FYB1: variants seen among roughly 807,000 people sequenced by gnomAD.
FYB1 encodes the protein FYN binding protein 1, also known as FYN-binding protein 1.
FYB1 carries 41 observed loss-of-function variants against 94.1 expected under a neutral mutation model. The observed-to-expected ratio is 0.44, with a 90% CI of 0.34 to 0.57. The LOEUF is 0.57. Among genes scored for constraint, FYB1 ranks in the 20% least tolerant of loss-of-function variants. The probability of loss-of-function intolerance (pLI) is 0.02; values close to 1 mark genes in which losing one functional copy is unlikely to be tolerated. For synonymous variants in FYB1, 367 were observed against 353.2 expected (o/e 1.04, Z -0.44); for missense variants, 1,050 against 976.8 (o/e 1.07, Z -1.00).
intron 1 of FYB1, among the ~76,000 whole-genome samples, chr5:39,266,417 T>C (rs1337948784): frequency 6.6e-6 from 1 of 152,230 alleles, no homozygotes; most frequent in Non-Finnish European, 1.5e-5. Flanking sequence ...CCCAGTGTCG[T>C]GTGTCCAATG....
Position 39,130,583 on chromosome 5 carries a change from G to A in FYB1, c.1840+7C>T. 1 of 1,571,190 alleles carries A rather than the reference G, an allele frequency of 6.4e-7. No individual in the cohort carries two copies. On this transcript the variant is annotated splice_region_variant and intron_variant, in intron 10 of 18. Coordinates refer to ENST00000512982, the MANE Select transcript of FYB1 (RefSeq NM_001465.6). ...TAAAATGTCATTTTAAGAAGCGTGT[G>A]GCTTACCTCCACTTCCACTCTGACT...
At chr5:39,231,578 T>C (rs933855245) in intron 1 of FYB1, among the ~76,000 whole-genome samples, 3 of 152,132 alleles carry the variant, frequency 2.0e-5, no homozygotes, top group South Asian at 2.1e-4. Context: ...TTATTACACA[T>C]TGGAGTGCTC....
intron 3 of FYB1, among the ~76,000 whole-genome samples, chr5:39,148,151 TTTTTTATATATATATA>T (rs1742860427): frequency 3.4e-5 from 2 of 58,724 alleles, no homozygotes; most frequent in Admixed American, 4.4e-4. Context: ...ATTATATGTA[TTTTTTATATATATATA>T]TATATATATA....
In FYB1 at chr5:39,252,103, C is replaced by G. The variant is rs916967442; in HGVS notation, c.-28+22300G>C. On this transcript the variant is annotated intron_variant, in intron 1 of 1. Transcript: ENST00000510188. ...GAGCTTGCAGTGAGCCAAGATCGCG[C>G]CACTGGACTCCAGCCTGAGCGACAG... Among the ~76,000 whole-genome samples, 7 of 151,930 alleles carry G rather than the reference C, an allele frequency of 4.6e-5. No homozygotes were observed. In the East Asian group the frequency reaches 1.4e-3, roughly 29 times the overall value.
intron 1 of FYB1, among the ~76,000 whole-genome samples, chr5:39,267,233 G>A (rs1248185687): frequency 1.3e-5 from 2 of 152,168 alleles, no homozygotes; most frequent in African/African-American, 4.8e-5. Context: ...GCATACTTTG[G>A]AAACTATTTA....
chr5:39,148,398 T>G (rs1742958595), intron 3 of FYB1, among the ~76,000 whole-genome samples: 1 of 113,852 alleles, frequency 8.8e-6, no homozygotes, highest in Non-Finnish European at 1.8e-5. Flanking sequence ...TTTTTTTTTT[T>G]TTTTTTTTTT....
At chr5:39,249,117 G>A (rs1258419917) in intron 1 of FYB1, among the ~76,000 whole-genome samples, 1 of 152,144 alleles carries the variant, frequency 6.6e-6, no homozygotes, top group East Asian at 1.9e-4. Flanking sequence ...ATTTCTCTTG[G>A]CCAGTGTAGG....
At chr5:39,254,366 T>C (rs1267643123) in intron 1 of FYB1, among the ~76,000 whole-genome samples, 3 of 152,236 alleles carry the variant, frequency 2.0e-5, no homozygotes, top group African/African-American at 7.2e-5. Context: ...TGTTATTTTT[T>C]GACTTTTTAA....
intron 1 of FYB1, among the ~76,000 whole-genome samples, chr5:39,208,101 G>T (rs2150515028): frequency 6.6e-6 from 1 of 152,202 alleles, no homozygotes; most frequent in African/African-American, 2.4e-5. Flanking sequence ...ACTAGCAATG[G>T]TTTTTAAAGT....
Position 39,136,851 on chromosome 5 carries a change from C to T in FYB1, c.1515+749G>A, listed in dbSNP as rs1202137609. 2.0e-5 allele frequency among the ~76,000 whole-genome samples: 3 copies of T among 152,014 alleles called. No individual in the cohort carries two copies. The East Asian group carries it at 5.8e-4, about 29-fold the overall frequency. ...GAGGAATAAAAATACTTAAAGAAAC[C>T]ATACAGTGAATTCTTTTTGAAAGAA... On this transcript the variant is annotated intron_variant, in intron 7 of 18. Coordinates refer to ENST00000512982, the MANE Select transcript of FYB1 (RefSeq NM_001465.6).
intron 3 of FYB1, among the ~76,000 whole-genome samples, chr5:39,145,387 A>T (rs56062377): frequency 0.17 from 26,008 of 152,170 alleles, 2,519 homozygotes; most frequent in Non-Finnish European, 0.22. Flanking sequence ...AATATGAAAC[A>T]TCGCAAGAAG....
chr5:39,215,661 C>T (rs2150537676), intron 1 of FYB1, among the ~76,000 whole-genome samples: 1 of 152,304 alleles, frequency 6.6e-6, no homozygotes, highest in South Asian at 2.1e-4. Context: ...TTTTCTTGAT[C>T]AATTACTACC....
intron 3 of FYB1, 33 bp from the exon 4 acceptor site, chr5:39,141,174 G>C (rs1166463788): frequency 1.4e-6 from 2 of 1,416,160 alleles, no homozygotes; most frequent in South Asian, 2.4e-5. Flanking sequence ...AGTGAACATG[G>C]AACAAGTAGA....
intron 1 of FYB1, among the ~76,000 whole-genome samples, chr5:39,239,145 A>C (rs1399919798): frequency 6.6e-6 from 1 of 152,156 alleles, no homozygotes; most frequent in East Asian, 1.9e-4. Context: ...CAAACTATGC[A>C]TTGAAGGAAC....
chr5:39,143,598 G>A (rs915905916), intron 3 of FYB1, among the ~76,000 whole-genome samples: 2 of 152,104 alleles, frequency 1.3e-5, no homozygotes, highest in African/African-American at 2.4e-5. Context: ...ATGTCCCATA[G>A]TCAAACTCCT....
intron 2 of FYB1, 27 bp from the exon 3 acceptor site, chr5:39,153,631 G>T: frequency 6.4e-7 from 1 of 1,561,678 alleles, no homozygotes; most frequent in Non-Finnish European, 8.7e-7. Context: ...ACAATACCAT[G>T]AATTAAGACA....
intron 2 of FYB1, among the ~76,000 whole-genome samples, chr5:39,177,000 G>A (rs1055023581): frequency 6.6e-6 from 1 of 152,220 alleles, no homozygotes; most frequent in Non-Finnish European, 1.5e-5. Context: ...GTGTGTGGGA[G>A]GAAGGCAGTT....
intron 16 of FYB1, among the ~76,000 whole-genome samples, chr5:39,114,916 A>G (rs75658599): frequency 0.015 from 2,214 of 152,232 alleles, 21 homozygotes; most frequent in Middle Eastern, 0.024. Context: ...GTAAAACAAT[A>G]ATGACAATGA....
rs1473432637 is a variant in FYB1 at position 39,193,921 on chromosome 5, A to G, written c.1135+7905T>C. 2.0e-5 allele frequency among the ~76,000 whole-genome samples: 3 copies of G among 152,208 alleles called. No individual in the cohort carries two copies. In the East Asian group the frequency reaches 5.8e-4, roughly 29 times the overall value. On this transcript the variant is annotated intron_variant, in intron 2 of 18. Coordinates refer to ENST00000512982, the MANE Select transcript of FYB1 (RefSeq NM_001465.6). ...AAATCGCAATTCTGAGGGGAAGGCA[A>G]ATTTATCACACTGGATTAGAACTTG... is the stretch of plus-strand genomic sequence containing the variant.
Sources: allele counts gnomAD v4.1 joint callset (sites outside exome capture counted in the v4.1 genomes callset), GRCh38; gene constraint gnomAD v4.1.1; transcripts MANE v1.5; gene names NCBI Gene and HGNC (gene_info 2026-07-23, HGNC 2026-07-21).